Variants in NECTIN3 observed in about 807,000 individuals in gnomAD.
NECTIN3 encodes the protein nectin cell adhesion molecule 3.
Under a neutral mutation model 49.4 loss-of-function variants are expected in NECTIN3, and 8 were observed. The ratio of observed to expected loss-of-function variants is 0.16; its 90% CI spans 0.10 to 0.29. The LOEUF is 0.29. Among genes scored for constraint, NECTIN3 ranks in the 10% least tolerant of loss-of-function variants. The probability of loss-of-function intolerance (pLI) is 1.00; values close to 1 mark genes in which losing one functional copy is unlikely to be tolerated. For synonymous variants in NECTIN3, 277 were observed against 241.1 expected (o/e 1.15, Z -1.38); for missense variants, 581 against 654.6 (o/e 0.89, Z 1.23).
intron 7 of NECTIN3, among the ~76,000 whole-genome samples, chr3:111,167,685 ACCTTTGGAGGTGAGTGGTCT>A (rs1576175261): frequency 6.6e-6 from 1 of 152,146 alleles, no homozygotes; most frequent in East Asian, 1.9e-4. Flanking sequence ...GGGTATTAGA[ACCTTTGGAGGTGAGTGGTCT>A]CCTTTGCTGG....
intron 1 of NECTIN3, among the ~76,000 whole-genome samples, chr3:111,103,865 A>G (rs774718905): frequency 6.6e-6 from 1 of 152,110 alleles, no homozygotes; most frequent in East Asian, 1.9e-4. Context: ...TTGCTGACTA[A>G]TATTTCATTG....
chr3:111,129,847 A>G (rs759337763), intron 5 of NECTIN3, among the ~76,000 whole-genome samples: 12 of 151,624 alleles, frequency 7.9e-5, no homozygotes, highest in Non-Finnish European at 1.6e-4. Context: ...ACAGGGTTTC[A>G]CCGTGTTGCC....
At chr3:111,164,286 AT>A (rs2035275532) in intron 7 of NECTIN3, among the ~76,000 whole-genome samples, 1 of 152,188 alleles carries the variant, frequency 6.6e-6, no homozygotes, top group African/African-American at 2.4e-5. Context: ...ATATAATTAT[AT>A]TTGTTAAATA....
rs759669717 is a variant in NECTIN3 at position 111,134,257 on chromosome 3, C to T, written c.*42C>T. 25 of 1,516,876 alleles carry T rather than the reference C, an allele frequency of 1.6e-5. No homozygotes were observed. The highest frequency in any genetic ancestry group is 2.1e-5 in the Non-Finnish European group (24 of 1,137,374). 94.0% of individuals were successfully genotyped at this position (1,516,876 alleles called of 1,614,324 possible). On this transcript the variant is annotated 3_prime_UTR_variant, in exon 6 of 6. Transcript: ENST00000485303. ...CTTAACTATGTACAATGTTCATTCA[C>T]ACTAGTTGATCATTTTCAGATTGTT...
downstream of NECTIN3, among the ~76,000 whole-genome samples, chr3:111,140,664 C>G (rs1443754872): frequency 6.6e-6 from 1 of 151,820 alleles, no homozygotes; most frequent in Non-Finnish European, 1.5e-5. Context: ...TTTTTGACTA[C>G]TGGTTAAATC....
intron 1 of NECTIN3, among the ~76,000 whole-genome samples, chr3:111,080,678 C>CAAAAAAAAAAA (rs11322721): frequency 7.7e-6 from 1 of 129,140 alleles, no homozygotes. Flanking sequence ...ATATGTCATG[C>CAAAAAAAAAAA]AAAAAAAAAA....
intron 7 of NECTIN3, among the ~76,000 whole-genome samples, chr3:111,158,732 A>G (rs2035149390): frequency 6.6e-6 from 1 of 152,136 alleles, no homozygotes; most frequent in South Asian, 2.1e-4. Context: ...ATAAAAGCAT[A>G]AAACATAAAG....
intron 1 of NECTIN3, chr3:111,075,254 T>C (rs956704500): frequency 2.0e-5 from 3 of 152,232 alleles, no homozygotes; most frequent in African/African-American, 7.2e-5. Context: ...TAAAGACTTA[T>C]GAATGTGCAA....
intron 2 of NECTIN3, among the ~76,000 whole-genome samples, chr3:111,114,912 A>C (rs1364375445): frequency 6.6e-6 from 1 of 152,168 alleles, no homozygotes; most frequent in African/African-American, 2.4e-5. Context: ...GGCTAACGGC[A>C]GGACTTAAGT....
Position 111,126,275 on chromosome 3 carries a change from A to C in NECTIN3, c.1009A>C (p.Ile337Leu). 6.2e-7 allele frequency: 1 copy of C among 1,611,112 alleles called. No homozygotes were observed. The highest frequency in any genetic ancestry group is 8.5e-7 in the Non-Finnish European group (1 of 1,179,022). ...PLTFNYSGVY[I>L]CKVTNSLGQR... The stretch of plus-strand genomic sequence containing the variant: ...GACTTTCAATTATTCTGGTGTTTAT[A>C]TCTGTAAAGTGACCAATTCCCTTGG... The change falls in exon 5 of 6, where the codon ATC (isoleucine) becomes CTC (leucine). Residue 337 changes from isoleucine (I) to leucine (L), a missense_variant. This residue lies in a region of NECTIN3 where 234 missense variants were observed against 340.6 expected (regional missense o/e 0.69). Coordinates refer to ENST00000485303, the MANE Select transcript of NECTIN3 (RefSeq NM_015480.3).
intron 7 of NECTIN3, among the ~76,000 whole-genome samples, chr3:111,175,915 A>G (rs936170612): frequency 2.6e-5 from 4 of 152,118 alleles, no homozygotes; most frequent in Non-Finnish European, 4.4e-5. Context: ...TAAAAAATTT[A>G]TTTCCTCTAC....
intron 1 of NECTIN3, among the ~76,000 whole-genome samples, chr3:111,081,951 A>G (rs997067435): frequency 6.6e-6 from 1 of 152,240 alleles, no homozygotes; most frequent in African/African-American, 2.4e-5. Flanking sequence ...TAGATTGTAT[A>G]GCTCTGGCAG....
At chr3:111,193,147 T>C in intron 1 of NECTIN3, 6 of 1,457,694 alleles carry the variant, frequency 4.1e-6, no homozygotes, top group Non-Finnish European at 5.6e-6. Context: ...TTACCAGTGC[T>C]AGAAAAATGC....
chr3:111,145,135 G>C (rs1243169050), intron 6 of NECTIN3: 1 of 1,322,124 alleles, frequency 7.6e-7, no homozygotes, highest in East Asian at 2.5e-5. Flanking sequence ...TTAAGGGATA[G>C]AAGTAAGGAT....
intron 2 of NECTIN3, among the ~76,000 whole-genome samples, chr3:111,115,379 A>G (rs772025535): frequency 2.6e-4 from 39 of 152,192 alleles, no homozygotes; most frequent in Non-Finnish European, 4.1e-4. Context: ...ATTACTGGAA[A>G]TTCATATTTG....
intron 1 of NECTIN3, among the ~76,000 whole-genome samples, chr3:111,098,031 C>G (rs1020174195): frequency 3.3e-5 from 5 of 152,144 alleles, no homozygotes; most frequent in African/African-American, 1.2e-4. Flanking sequence ...AAACCACTTT[C>G]TAGTCTAGAT....
Position 111,071,849 on chromosome 3 carries a change from G to C in NECTIN3, c.-169G>C, listed in dbSNP as rs1333726174. On this transcript the variant is annotated 5_prime_UTR_variant, in exon 1 of 6. Transcript: ENST00000485303. ...CAGTGGCGTCGGCGACGGCGGTGTC[G>C]AGGCAGCCGCCAGCGTTCGGCCAAG... 7.2e-6 allele frequency: 3 copies of C among 414,462 alleles called. No homozygotes were observed. Among genetic ancestry groups the C allele is most frequent in the African/African-American group, 4.2e-5 (2 of 47,910 alleles). 25.7% of individuals were successfully genotyped at this position (414,462 alleles called of 1,614,324 possible).
intron 1 of NECTIN3, among the ~76,000 whole-genome samples, chr3:111,103,467 T>A (rs1054107943): frequency 5.3e-5 from 8 of 150,714 alleles, no homozygotes; most frequent in Non-Finnish European, 7.4e-5. Context: ...TTTTTTTTTT[T>A]AAATTAACTT....
chr3:111,176,569 A>T (rs1262921616), intron 7 of NECTIN3, among the ~76,000 whole-genome samples: 1 of 152,194 alleles, frequency 6.6e-6, no homozygotes, highest in Non-Finnish European at 1.5e-5. Flanking sequence ...AGTTAATATT[A>T]ACTTTCCATA....
Sources: allele counts gnomAD v4.1 joint callset (sites outside exome capture counted in the v4.1 genomes callset), GRCh38; gene constraint gnomAD v4.1.1; regional missense constraint gnomAD v4.1.1; transcripts MANE v1.5; gene names NCBI Gene and HGNC (gene_info 2026-07-23, HGNC 2026-07-21).